CDC42BPA: variants seen among roughly 807,000 people sequenced by gnomAD.
CDC42BPA encodes the protein CDC42 binding protein kinase alpha.
A neutral mutation model predicts 223.5 loss-of-function variants in CDC42BPA; 80 were observed. The observed-to-expected ratio is 0.36, with a 90% CI of 0.30 to 0.43. The LOEUF (loss-of-function observed/expected upper bound fraction) is 0.43. Among genes scored for constraint, CDC42BPA ranks in the 20% least tolerant of loss-of-function variants. CDC42BPA has a pLI of 1.00. For missense variants in CDC42BPA, 1,743 were observed against 2,099.9 expected, an observed-to-expected ratio of 0.83 and a Z score of 3.32; for synonymous variants, 694 against 718.6, an observed-to-expected ratio of 0.97 and a Z score of 0.55.
intron 21 of CDC42BPA, among the ~76,000 whole-genome samples, chr1:227,055,044 T>C (rs559353541): frequency 4.6e-5 from 7 of 152,072 alleles, no homozygotes; most frequent in African/African-American, 1.4e-4. Context: ...ATATCTTTAA[T>C]TTTAAAAACC....
In CDC42BPA at chr1:227,095,592, T is replaced by G. The variant is rs1196732204; in HGVS notation, c.2250-3601A>C. The stretch of plus-strand genomic sequence containing the variant: ...AAAAAGGGGAATAAGTTCTTTGGTT[T>G]TTTTTTTTTTTTTTTTGAGACAAGA... On this transcript the variant is annotated intron_variant, in intron 15 of 36. Coordinates refer to ENST00000366766, the MANE Select transcript of CDC42BPA (RefSeq NM_001394014.1). Among the ~76,000 whole-genome samples the G allele has an allele frequency of 1.7e-4, 14 of 82,680 alleles. 1 individual carries two copies. In the East Asian group the frequency reaches 3.3e-3, roughly 19 times the overall value. 54.2% of individuals were successfully genotyped at this position (82,680 alleles called of 152,430 possible). A position where few individuals can be genotyped will look rare whatever the true frequency, so the allele number is the denominator to read the frequency against.
rs181561615 is a variant in CDC42BPA, at chr1:227,136,183, A to G, written c.1390+3393T>C. Among the ~76,000 whole-genome samples, 700 of 152,332 alleles carry G rather than the reference A, an allele frequency of 4.6e-3. 4 individuals carry two copies. The highest frequency in any genetic ancestry group is 0.016 in the African/African-American group (671 of 41,588). On this transcript the variant is annotated intron_variant, in intron 10 of 36. Transcript: ENST00000366766. ...ATACATAAAAATATGGGGAAATTTC[A>G]ACAGAAAACTGAAACTGAGAGAATC...
intron 14 of CDC42BPA, among the ~76,000 whole-genome samples, chr1:227,107,910 G>A (rs540878138): frequency 6.6e-6 from 1 of 152,126 alleles, no homozygotes; most frequent in East Asian, 1.9e-4. Flanking sequence ...TTTGTTTTCT[G>A]TTGGTCAGTA....
intron 1 of CDC42BPA, among the ~76,000 whole-genome samples, chr1:227,303,090 T>C (rs1376163126): frequency 2.6e-5 from 4 of 151,966 alleles, no homozygotes; most frequent in South Asian, 2.1e-4. Context: ...CTGTACCCTA[T>C]AGAGGCTTTG....
At chr1:227,265,683 C>T (rs1513621) in intron 1 of CDC42BPA, among the ~76,000 whole-genome samples, 23,948 of 151,770 alleles carry the variant, frequency 0.16, 2,177 homozygotes, top group East Asian at 0.37. Flanking sequence ...CAATTAGAAC[C>T]TCCCATCTAT....
rs1049799889 is a variant in CDC42BPA, at chr1:227,040,342, A to G, written c.3094-106T>C. On this transcript the variant is annotated intron_variant, in intron 23 of 36. Coordinates refer to ENST00000366766, the MANE Select transcript of CDC42BPA (RefSeq NM_001394014.1). The stretch of plus-strand genomic sequence containing the variant: ...TCTAGAATGTTTTCTAAATAGGAAT[A>G]GAATGAATTATTTCCATTTCTCATT... 4 of 659,800 alleles carry G rather than the reference A, an allele frequency of 6.1e-6. No individual in the cohort carries two copies. The African/African-American group carries it at 7.3e-5, about 12-fold the overall frequency. The allele number at this position is 659,800 out of a possible 1,614,324, so 40.9% of individuals were successfully genotyped here.
chr1:227,173,001 G>A (rs1666356710), intron 5 of CDC42BPA, among the ~76,000 whole-genome samples: 1 of 152,114 alleles, frequency 6.6e-6, no homozygotes, highest in Non-Finnish European at 1.5e-5. Context: ...CAAATGGCCA[G>A]CCTGAGGAAT....
chr1:227,165,089 G>A (rs1664796811), intron 5 of CDC42BPA, among the ~76,000 whole-genome samples: 1 of 152,114 alleles, frequency 6.6e-6, no homozygotes, highest in Non-Finnish European at 1.5e-5. Context: ...TGCACTATAG[G>A]AGTACATAAA....
At chr1:227,246,223 T>G (rs1680919548) in intron 2 of CDC42BPA, among the ~76,000 whole-genome samples, 1 of 152,154 alleles carries the variant, frequency 6.6e-6, no homozygotes, top group South Asian at 2.1e-4. Context: ...CTCCTCTGCA[T>G]GTGGAAAGGG....
At chr1:227,124,268 T>C (rs1159322706) in intron 11 of CDC42BPA, among the ~76,000 whole-genome samples, 1 of 152,104 alleles carries the variant, frequency 6.6e-6, no homozygotes, top group African/African-American at 2.4e-5. Context: ...CTTAAAAATA[T>C]TGGAGAACAC....
At chr1:227,252,546 T>C (rs1282271411) in intron 2 of CDC42BPA, among the ~76,000 whole-genome samples, 1 of 152,150 alleles carries the variant, frequency 6.6e-6, no homozygotes. Context: ...AAGACCAGTA[T>C]AACCAAGATA....
Position 227,145,641 on chromosome 1 carries a change from G to T in CDC42BPA, c.991C>A (p.Gln331Lys). ...LICSREHRLG[Q>K]NGIEDFKKHP... ...TTCTTAAAGTCTTCTATTCCATTTT[G>T]ACCAAGTCGATGTTCTCTGCTACAA... is the stretch of plus-strand genomic sequence containing the variant. The change falls in exon 8 of 37, where the codon CAA becomes AAA. Residue 331 changes from glutamine (Q) to lysine (K), a missense_variant. Physicochemically the swap from Gln to Lys is moderately conservative, Grantham distance 53 (BLOSUM62 1). Around this residue, in one of 6 missense-constraint regions of CDC42BPA, gnomAD observed 321 missense variants for 488.7 expected, o/e 0.66. Coordinates refer to ENST00000366766, the MANE Select transcript of CDC42BPA (RefSeq NM_001394014.1). 1 of 1,613,680 alleles carries T rather than the reference G, an allele frequency of 6.2e-7. No homozygotes were observed. Among genetic ancestry groups the T allele is most frequent in the South Asian group, 1.1e-5 (1 of 91,032 alleles).
Position 227,119,870 on chromosome 1 carries a change from A to G in CDC42BPA, c.1581T>C (p.Phe527=), listed in dbSNP as rs1170148482. ...GTTTTTCATAAGCCTTGATTTGTCTAAAAGCATCATCTAGTTCTTGCCTCA... is the reference window on the plus strand; with the variant it reads ...GTTTTTCATAAGCCTTGATTTGTCTGAAAGCATCATCTAGTTCTTGCCTCA... The part of the protein sequence containing the change: ...NAVRQELDDA[F]RQIKAYEKQI... Residue 527 remains phenylalanine (F), a synonymous_variant, in exon 12 of 37, where the codon TTT becomes TTC. Transcript: ENST00000366766. 6.2e-7 allele frequency: 1 copy of G among 1,604,348 alleles called. No homozygotes were observed. The highest frequency in any genetic ancestry group is 8.5e-7 in the Non-Finnish European group (1 of 1,174,550).
chr1:227,107,653 T>C (rs548711971), intron 14 of CDC42BPA, among the ~76,000 whole-genome samples: 2 of 152,332 alleles, frequency 1.3e-5, no homozygotes, highest in East Asian at 3.9e-4. Context: ...GGTGTGGTCT[T>C]GGACTTTTCT....
At chr1:227,190,422 A>G (rs1309611513) in intron 5 of CDC42BPA, among the ~76,000 whole-genome samples, 2 of 152,222 alleles carry the variant, frequency 1.3e-5, no homozygotes, top group African/African-American at 4.8e-5. Context: ...GAATAGCACA[A>G]AGAGTTAAAT....
At chr1:227,189,225 T>G (rs1197361627) in intron 5 of CDC42BPA, among the ~76,000 whole-genome samples, 1 of 152,074 alleles carries the variant, frequency 6.6e-6, no homozygotes, top group Non-Finnish European at 1.5e-5. Context: ...CTTATACCCC[T>G]GCATTTCTTA....
chr1:226,999,288 T>G (rs1363014107), intron 35 of CDC42BPA, among the ~76,000 whole-genome samples: 1 of 151,940 alleles, frequency 6.6e-6, no homozygotes, highest in Non-Finnish European at 1.5e-5. Context: ...GCCATTCTCC[T>G]GCCTCAGCCT....
chr1:227,022,410 G>A (rs988115530), intron 32 of CDC42BPA, among the ~76,000 whole-genome samples: 5 of 150,168 alleles, frequency 3.3e-5, no homozygotes, highest in Admixed American at 2.0e-4. Flanking sequence ...TATAGCCTGG[G>A]CAACAGAGTG....
chr1:227,253,283 C>T (rs749852979), intron 2 of CDC42BPA, among the ~76,000 whole-genome samples: 3 of 152,108 alleles, frequency 2.0e-5, no homozygotes, highest in East Asian at 1.9e-4. Context: ...CGCGCGTGCG[C>T]GTGCATGTGT....
Sources: gnomAD v4.1 joint callset for allele counts (sites outside exome capture counted in the v4.1 genomes callset) on GRCh38, gnomAD v4.1.1 for gene constraint, gnomAD v4.1.1 regional missense constraint, MANE v1.5 for transcripts, NCBI Gene and HGNC (gene_info 2026-07-23, HGNC 2026-07-21) for gene names.